TUBB8B: variants seen among roughly 807,000 people sequenced by gnomAD.
TUBB8B encodes the protein HSA18p11 beta-tubulin 4Q pseudogene.
A neutral mutation model predicts 31.9 loss-of-function variants in TUBB8B; 26 were observed. The observed-to-expected ratio is 0.81, with a 90% CI of 0.60 to 1.13. The LOEUF is 1.13. Among genes scored for constraint, TUBB8B ranks in the 50% most tolerant of loss-of-function variants. The probability of loss-of-function intolerance (pLI) is 0.00; values close to 1 mark genes in which losing one functional copy is unlikely to be tolerated. For missense variants in TUBB8B, 467 were observed against 586.7 expected (o/e 0.80, Z 2.11); for synonymous variants, 173 against 231.0 (o/e 0.75, Z 2.28).
At chr18:50,192 C>A, upstream of TUBB8B, 1 of 258,788 alleles carries the variant, frequency 3.9e-6, no homozygotes, top group South Asian at 4.3e-5. Context: ...ATATTGGATT[C>A]TTAAAGCTGA....
At chr18:51,518 C>T (rs990790529), upstream of TUBB8B, among the ~76,000 whole-genome samples, 1 of 151,956 alleles carries the variant, frequency 6.6e-6, no homozygotes, top group Non-Finnish European at 1.5e-5. Context: ...TGGCTCACTG[C>T]AACCTCTGAT....
At chr18:70,700 C>G in the TUBB8B span, among the ~76,000 whole-genome samples, 1 of 152,004 alleles carries the variant, frequency 6.6e-6, no homozygotes, top group African/African-American at 2.4e-5. Flanking sequence ...CTGTAATCCC[C>G]AGCACTTTGG....
chr18:66,545 C>A, the TUBB8B span, among the ~76,000 whole-genome samples: 86 of 152,160 alleles, frequency 5.7e-4, no homozygotes, highest in Middle Eastern at 0.01. Flanking sequence ...GAGTGAGACC[C>A]TGTCTCAAAA....
the TUBB8B span, among the ~76,000 whole-genome samples, chr18:58,611 A>C: frequency 1.3e-5 from 2 of 151,818 alleles, no homozygotes; most frequent in African/African-American, 2.4e-5. Context: ...AAAGCCATTC[A>C]AAGTTAAGAA....
chr18:47,628 G>T lies in TUBB8B; in HGVS notation c.1097C>A (p.Thr366Asn), dbSNP rs781129660. ...IPPRGLKMSATFIGNNAAIQE... is the reference protein window; with the variant it reads ...IPPRGLKMSANFIGNNAAIQE... ...GATGGCCGCATTATTCCCAATGAAG[G>T]TGGCTGACATTTTTAGCCCCCGGGG... Residue 366 changes from threonine to asparagine, a missense_variant, in exon 4 of 4, where the codon ACC (threonine) becomes AAC (asparagine). By Grantham distance (65) the Thr-to-Asn change is moderately conservative. Around this residue, in one of 2 missense-constraint regions of TUBB8B, gnomAD observed 208 missense variants for 206.7 expected, o/e 1.01. Coordinates refer to ENST00000308911, the MANE Select transcript of TUBB8B (RefSeq NM_001358689.2). 6 of 1,556,206 alleles carry T rather than the reference G, an allele frequency of 3.9e-6. No individual in the cohort carries two copies. In the African/African-American group the frequency reaches 8.3e-5, roughly 22 times the overall value.
the TUBB8B span, among the ~76,000 whole-genome samples, chr18:65,691 G>T: frequency 2.0e-5 from 3 of 152,136 alleles, no homozygotes; most frequent in African/African-American, 4.8e-5. Flanking sequence ...TGTATGGGAA[G>T]TTCCATCCAC....
the TUBB8B span, among the ~76,000 whole-genome samples, chr18:63,651 A>ACCCTAG: frequency 6.8e-6 from 1 of 147,902 alleles, no homozygotes; most frequent in African/African-American, 2.6e-5. Flanking sequence ...CCAAACCCTA[A>ACCCTAG]CCCTAGCCCT....
chr18:70,975 C>T, the TUBB8B span, among the ~76,000 whole-genome samples: 2 of 150,882 alleles, frequency 1.3e-5, no homozygotes, highest in African/African-American at 4.9e-5. Flanking sequence ...CGGCTGGGTG[C>T]AGTGGCTCAT....
At chr18:63,588 T>A in the TUBB8B span, among the ~76,000 whole-genome samples, 2 of 150,764 alleles carry the variant, frequency 1.3e-5, no homozygotes, top group Non-Finnish European at 3.0e-5. Context: ...TAACGACAAC[T>A]TGGCTACCAT....
the TUBB8B span, among the ~76,000 whole-genome samples, chr18:72,663 G>T: frequency 6.6e-6 from 1 of 152,050 alleles, no homozygotes; most frequent in Non-Finnish European, 1.5e-5. Flanking sequence ...TAACAAATGA[G>T]CCTGAAAACA....
At chr18:59,885 C>T in the TUBB8B span, among the ~76,000 whole-genome samples, 4 of 151,668 alleles carry the variant, frequency 2.6e-5, no homozygotes, top group Admixed American at 6.6e-5. Context: ...GACTGATTTG[C>T]GTGTTGAACC....
At chr18:70,482 A>C in the TUBB8B span, among the ~76,000 whole-genome samples, 1 of 146,622 alleles carries the variant, frequency 6.8e-6, no homozygotes, top group Admixed American at 6.7e-5. Context: ...AAAACACACA[A>C]AAAATTACCC....
upstream of TUBB8B, chr18:49,924 C>G (rs1906005723): frequency 4.1e-6 from 2 of 482,502 alleles, no homozygotes; most frequent in Non-Finnish European, 8.1e-6. Context: ...CACGGAGTGC[C>G]TTTGCACCTG....
the TUBB8B span, among the ~76,000 whole-genome samples, chr18:63,541 A>G: frequency 6.6e-6 from 1 of 151,552 alleles, no homozygotes; most frequent in Admixed American, 6.6e-5. Context: ...TCACACTTGA[A>G]GTAGGCATAG....
chr18:50,123 A>G (rs1254909365), upstream of TUBB8B: 2 of 349,176 alleles, frequency 5.7e-6, no homozygotes, highest in Middle Eastern at 2.1e-3. Context: ...TCTTCTGTAG[A>G]GTAGGATTAG....
the TUBB8B span, among the ~76,000 whole-genome samples, chr18:59,253 C>G: frequency 6.6e-6 from 1 of 151,644 alleles, no homozygotes; most frequent in Non-Finnish European, 1.5e-5. Context: ...AATTGGGATG[C>G]CTTTTATTGC....
the TUBB8B span, among the ~76,000 whole-genome samples, chr18:59,467 T>A: frequency 6.6e-6 from 1 of 151,704 alleles, no homozygotes; most frequent in African/African-American, 2.4e-5. Context: ...TTCAAAGGGT[T>A]TATTATTAAA....
the TUBB8B span, among the ~76,000 whole-genome samples, chr18:58,757 A>T: frequency 6.6e-6 from 1 of 151,826 alleles, no homozygotes; most frequent in Non-Finnish European, 1.5e-5. Context: ...CCTTTGTGCC[A>T]ATTTTCTGTA....
At chr18:63,706 ACCCTAACACTAACCCTAAC>A in the TUBB8B span, among the ~76,000 whole-genome samples, 1 of 106,872 alleles carries the variant, frequency 9.4e-6, no homozygotes, top group African/African-American at 3.5e-5. Context: ...CCTAACCCTA[ACCCTAACACTAACCCTAAC>A]CCCTAACCCT....
Sources: gnomAD v4.1 joint callset for allele counts (sites outside exome capture counted in the v4.1 genomes callset) on GRCh38, gnomAD v4.1.1 for gene constraint, gnomAD v4.1.1 regional missense constraint, MANE v1.5 for transcripts, NCBI Gene and HGNC (gene_info 2026-07-23, HGNC 2026-07-21) for gene names.